Variants in CNTN3 observed in about 807,000 individuals in gnomAD.
CNTN3 encodes the protein contactin 3, also known as contactin-3.
A neutral mutation model predicts 119.1 loss-of-function variants in CNTN3; 60 were observed. The ratio of observed to expected loss-of-function variants is 0.50; its 90% CI spans 0.41 to 0.62. The LOEUF is 0.62. CNTN3 is among the 20% of genes least tolerant of loss of function. CNTN3 has a pLI of 0.00. For synonymous variants in CNTN3, 450 were observed against 438.7 expected, an observed-to-expected ratio of 1.03 and a Z score of -0.32; for missense variants, 1,101 against 1,242.4, an observed-to-expected ratio of 0.89 and a Z score of 1.71.
intron 11 of CNTN3, among the ~76,000 whole-genome samples, chr3:74,348,145 T>C (rs1352034277): frequency 6.6e-6 from 1 of 152,206 alleles, no homozygotes; most frequent in Admixed American, 6.5e-5. Flanking sequence ...CACTGTATTA[T>C]GTACTTGAAA....
intron 2 of CNTN3, among the ~76,000 whole-genome samples, chr3:74,509,147 T>C (rs1259437362): frequency 2.0e-5 from 3 of 152,164 alleles, no homozygotes; most frequent in Non-Finnish European, 4.4e-5. Context: ...CTCTTCATTA[T>C]ATATTCTTAG....
intron 4 of CNTN3, among the ~76,000 whole-genome samples, chr3:74,478,870 T>C (rs1037545820): frequency 1.3e-5 from 2 of 152,144 alleles, no homozygotes; most frequent in Non-Finnish European, 2.9e-5. Flanking sequence ...CTAACCATCA[T>C]TTATATCTTG....
At chr3:74,610,595 G>A (rs1705064779) in intron 1 of CNTN3, among the ~76,000 whole-genome samples, 1 of 152,070 alleles carries the variant, frequency 6.6e-6, no homozygotes, top group African/African-American at 2.4e-5. Context: ...ATTTTATTCT[G>A]AGTTCAATGA....
intron 4 of CNTN3, among the ~76,000 whole-genome samples, chr3:74,449,464 A>G (rs571177838): frequency 2.0e-5 from 3 of 152,208 alleles, no homozygotes; most frequent in African/African-American, 4.8e-5. Context: ...TATTTATAAT[A>G]ATCAGCTGGG....
chr3:74,458,983 C>T (rs540251844), intron 4 of CNTN3, among the ~76,000 whole-genome samples: 18 of 152,002 alleles, frequency 1.2e-4, no homozygotes, highest in African/African-American at 4.3e-4. Flanking sequence ...TTTAGGCATC[C>T]CTAAATACTA....
At chr3:74,545,612 T>C (rs1486226942) in intron 1 of CNTN3, among the ~76,000 whole-genome samples, 1 of 152,180 alleles carries the variant, frequency 6.6e-6, no homozygotes, top group Non-Finnish European at 1.5e-5. Context: ...AGTAATTCGT[T>C]TAAATAGTGC....
chr3:74,339,213 C>G (rs1479077392), intron 11 of CNTN3, among the ~76,000 whole-genome samples: 1 of 152,016 alleles, frequency 6.6e-6, no homozygotes, highest in East Asian at 1.9e-4. Flanking sequence ...TCCAGCTGTC[C>G]AGGCAAACCT....
chr3:74,264,447 C>T lies in CNTN3; in HGVS notation c.3041G>A (p.Ser1014Asn), dbSNP rs780456948. ...TAAGAACAGTACTATAGGCATATAACTTGACATAGGGTGGACATTCGAGAT... is the reference window on the plus strand; with the variant it reads ...TAAGAACAGTACTATAGGCATATAATTTGACATAGGGTGGACATTCGAGAT... ...SAISNVHPMS[S>N]YMPIVLFLIV... is the part of the protein sequence containing the mutation. The change falls in exon 23 of 23, where the codon AGT (serine) becomes AAT (asparagine). Residue 1014 changes from serine to asparagine, a missense_variant. Coordinates refer to ENST00000263665, the MANE Select transcript of CNTN3 (RefSeq NM_020872.3). 6 of 1,611,976 alleles carry T rather than the reference C, an allele frequency of 3.7e-6. No individual in the cohort carries two copies. The East Asian group carries it at 1.3e-4, about 36-fold the overall frequency.
rs756286454 is a variant in CNTN3, at chr3:74,486,251, TAC to T, written c.358+203_358+204del. Among the ~76,000 whole-genome samples, 6 of 150,982 alleles carry T rather than the reference TAC, an allele frequency of 4.0e-5. No homozygotes were observed. The East Asian group carries it at 5.9e-4, about 15-fold the overall frequency. ...CTACATGCACACATGCACACCAGCA[TAC>T]ACACAGACATACACACACACACACA... On this transcript the variant is annotated intron_variant, in intron 4 of 22. Coordinates refer to ENST00000263665, the MANE Select transcript of CNTN3 (RefSeq NM_020872.3).
rs1478130992 is a variant in CNTN3, at chr3:74,299,952, A to T, written c.2096-14T>A. On this transcript the variant is annotated splice_polypyrimidine_tract_variant and intron_variant, in intron 16 of 22. Transcript: ENST00000263665. Reference sequence around the variant, plus strand: ...GCACTTCTGGAACTATACAGGTCAGAGAAACAGAGATGAAATGGTACTTGC... The same window carrying T: ...GCACTTCTGGAACTATACAGGTCAGTGAAACAGAGATGAAATGGTACTTGC... 1 of 1,534,322 alleles carries T rather than the reference A, an allele frequency of 6.5e-7. No individual in the cohort carries two copies. Among genetic ancestry groups the T allele is most frequent in the Non-Finnish European group, 8.8e-7 (1 of 1,133,302 alleles).
chr3:74,422,304 T>G (rs953214131), intron 5 of CNTN3, among the ~76,000 whole-genome samples: 2 of 152,190 alleles, frequency 1.3e-5, no homozygotes, highest in African/African-American at 4.8e-5. Context: ...TGAATGTTAT[T>G]TGCTCTCCTA....
chr3:74,566,273 G>C (rs975343387), intron 1 of CNTN3, among the ~76,000 whole-genome samples: 1 of 152,094 alleles, frequency 6.6e-6, no homozygotes, highest in South Asian at 2.1e-4. Flanking sequence ...CCTAAATTTA[G>C]CAACAGCTGA....
chr3:74,327,269 C>T (rs938349638), intron 13 of CNTN3, among the ~76,000 whole-genome samples: 18 of 151,960 alleles, frequency 1.2e-4, no homozygotes, highest in Admixed American at 1.2e-3. Context: ...GCTGTGATTA[C>T]AGGCATGTGC....
rs76171494 is a variant in CNTN3 at position 74,540,144 on chromosome 3, C to T, written c.-80-18952G>A. Among the ~76,000 whole-genome samples, 261 of 152,264 alleles carry T rather than the reference C, an allele frequency of 1.7e-3. 4 individuals are homozygous for T. The East Asian group carries it at 0.045, about 27-fold the overall frequency. On this transcript the variant is annotated intron_variant, in intron 1 of 22. Coordinates refer to ENST00000263665, the MANE Select transcript of CNTN3 (RefSeq NM_020872.3). ...GTATATAGCTGAAATAGAAAGCTGGCTGCTCTGTGAGCTTCCTAATTCTCT... is the reference window on the plus strand; with the variant it reads ...GTATATAGCTGAAATAGAAAGCTGGTTGCTCTGTGAGCTTCCTAATTCTCT...
At chr3:74,492,334 G>A (rs1004262518) in intron 3 of CNTN3, among the ~76,000 whole-genome samples, 8 of 152,112 alleles carry the variant, frequency 5.3e-5, no homozygotes, top group Non-Finnish European at 1.0e-4. Context: ...GGAATTAGAA[G>A]TCCTGGGTTA....
chr3:74,283,098 A>G (rs1201571419), intron 20 of CNTN3, among the ~76,000 whole-genome samples: 2 of 152,164 alleles, frequency 1.3e-5, no homozygotes, highest in Admixed American at 1.3e-4. Flanking sequence ...CTAAGCACAG[A>G]GCAAAATCAC....
chr3:74,566,534 C>T (rs1241441617), intron 1 of CNTN3, among the ~76,000 whole-genome samples: 1 of 152,136 alleles, frequency 6.6e-6, no homozygotes, highest in Non-Finnish European at 1.5e-5. Context: ...TTCTGTGCCT[C>T]CTTTGGCTTA....
chr3:74,559,373 G>A (rs1442293858), intron 1 of CNTN3, among the ~76,000 whole-genome samples: 1 of 152,130 alleles, frequency 6.6e-6, no homozygotes, highest in East Asian at 1.9e-4. Context: ...CAGTGAAGGA[G>A]AAGCAATGGC....
chr3:74,537,349 T>C (rs1485723848), intron 1 of CNTN3, among the ~76,000 whole-genome samples: 1 of 152,104 alleles, frequency 6.6e-6, no homozygotes, highest in Non-Finnish European at 1.5e-5. Flanking sequence ...TATCAGACCA[T>C]GTGGGGGAAC....
Sources: allele counts gnomAD v4.1 joint callset (sites outside exome capture counted in the v4.1 genomes callset), GRCh38; gene constraint gnomAD v4.1.1; transcripts MANE v1.5; gene names NCBI Gene and HGNC (gene_info 2026-07-23, HGNC 2026-07-21).